Variants in ABCG2 observed in about 807,000 individuals in gnomAD.
ABCG2 encodes ATP binding cassette subfamily G member 2 (JR blood group).
ABCG2 carries 80 observed loss-of-function variants against 73.5 expected under a neutral mutation model. The ratio of observed to expected loss-of-function variants is 1.09; its 90% CI spans 0.91 to 1.31. The LOEUF (loss-of-function observed/expected upper bound fraction) is 1.31, where lower values mean the gene tolerates loss of function less well. ABCG2 is among the 50% of genes most tolerant of loss of function. The pLI, the probability that ABCG2 is intolerant of heterozygous loss-of-function variation, is 0.00. For missense variants in ABCG2, 796 were observed against 786.2 expected (o/e 1.01, Z -0.15); for synonymous variants, 269 against 282.4 (o/e 0.95, Z 0.48).
At chr4:88,203,579 C>A (rs1327423173) in intron 1 of ABCG2, among the ~76,000 whole-genome samples, 3 of 151,998 alleles carry the variant, frequency 2.0e-5, no homozygotes, top group Non-Finnish European at 4.4e-5. Flanking sequence ...CATGGGGAAA[C>A]CCTGTCCCTA....
chr4:88,159,412 G>A (rs891750240), upstream of ABCG2: 2 of 347,562 alleles, frequency 5.8e-6, no homozygotes, highest in East Asian at 8.2e-5. Flanking sequence ...CCCAAGGAAG[G>A]AAAGGGGAGA....
chr4:88,097,795 T>C (rs1722090573), intron 12 of ABCG2, among the ~76,000 whole-genome samples, 188 bp from the exon 13 acceptor site: 1 of 152,264 alleles, frequency 6.6e-6, no homozygotes, highest in Non-Finnish European at 1.5e-5. Context: ...TAAAGTTCTC[T>C]TATAACACTT....
chr4:88,130,290 C>T (rs1246628402), intron 5 of ABCG2, among the ~76,000 whole-genome samples: 1 of 151,838 alleles, frequency 6.6e-6, no homozygotes, highest in African/African-American at 2.4e-5. Context: ...GGAGCATGAA[C>T]CCTATTGTGA....
At chr4:88,171,038 T>C (rs1439912984) in intron 1 of ABCG2, among the ~76,000 whole-genome samples, 1 of 152,100 alleles carries the variant, frequency 6.6e-6, no homozygotes, top group Admixed American at 6.5e-5. Flanking sequence ...AAATATCACA[T>C]GTTCTCACTT....
At chr4:88,122,034 C>T (rs1027413899) in intron 5 of ABCG2, among the ~76,000 whole-genome samples, 13 of 152,128 alleles carry the variant, frequency 8.5e-5, no homozygotes, top group Admixed American at 7.9e-4. Context: ...TTGGGTGAGG[C>T]TATGCCTCAC....
At chr4:88,146,347 G>A (rs989225556) in intron 1 of ABCG2, among the ~76,000 whole-genome samples, 1 of 151,168 alleles carries the variant, frequency 6.6e-6, no homozygotes, top group African/African-American at 2.4e-5. Context: ...TAAGGTGGGA[G>A]TTTCATAAAC....
At chr4:88,107,381 A>C in intron 9 of ABCG2, 115 bp from the exon 10 acceptor site, 1 of 690,836 alleles carries the variant, frequency 1.4e-6, no homozygotes, top group Non-Finnish European at 2.3e-6. Context: ...CTCCATTAAG[A>C]TAAACACTCA....
rs566049610 is a variant in ABCG2 at position 88,128,642 on chromosome 4, AC to A, written c.531+2418del. Among the ~76,000 whole-genome samples, 7 of 152,278 alleles carry A rather than the reference AC, an allele frequency of 4.6e-5. No individual in the cohort carries two copies. The South Asian group carries it at 1.5e-3, about 32-fold the overall frequency. ...TGCAGGGACATGGATGAAGCTGGAA[AC>A]CATCATTCTCAGCAAACTAACACAG... On this transcript the variant is annotated intron_variant, in intron 5 of 15. Coordinates refer to ENST00000237612, the MANE Select transcript of ABCG2 (RefSeq NM_004827.3).
chr4:88,206,104 T>A (rs1270173021), intron 1 of ABCG2, among the ~76,000 whole-genome samples: 1 of 152,222 alleles, frequency 6.6e-6, no homozygotes, highest in Non-Finnish European at 1.5e-5. Flanking sequence ...TCTAGAACTA[T>A]CAAACTCTTT....
chr4:88,094,544 C>A (rs778323137), intron 15 of ABCG2, 33 bp downstream of exon 15: 2 of 1,577,048 alleles, frequency 1.3e-6, no homozygotes, highest in Non-Finnish European at 8.7e-7. Context: ...ATGGTAGTAA[C>A]AAAACCCATT....
rs750198319 is a variant in ABCG2 at position 88,115,040 on chromosome 4, T to C, written c.860A>G (p.Tyr287Cys). The stretch of plus-strand genomic sequence containing the variant: ...CAAGAAGAAGTCTGCAGGGTTATTA[T>C]AGGCCTCACAGTGATAACCTATGAA... ...FESAGYHCEA[Y>C]NNPADFFLDI... Residue 287 changes from tyrosine to cysteine, a missense_variant, in exon 8 of 16, where the codon TAT becomes TGT. Physicochemically the swap from Tyr to Cys is radical, Grantham distance 194. Coordinates refer to ENST00000237612, the MANE Select transcript of ABCG2 (RefSeq NM_004827.3). 9.3e-6 allele frequency: 15 copies of C among 1,612,128 alleles called. No homozygotes were observed. The highest frequency in any genetic ancestry group is 1.7e-5 in the Admixed American group (1 of 59,974).
chr4:88,153,847 G>T (rs911112174), intron 1 of ABCG2, among the ~76,000 whole-genome samples: 2 of 152,144 alleles, frequency 1.3e-5, no homozygotes, highest in Non-Finnish European at 2.9e-5. Context: ...TTGATGTGTA[G>T]GGAAGGGAGG....
intron 1 of ABCG2, among the ~76,000 whole-genome samples, chr4:88,188,085 T>C (rs966578769): frequency 2.0e-5 from 3 of 152,350 alleles, no homozygotes; most frequent in South Asian, 4.1e-4. Context: ...GATTTTCTCT[T>C]ATGTTTTCTT....
intron 1 of ABCG2, among the ~76,000 whole-genome samples, chr4:88,147,005 GAGAA>G: frequency 1.7e-5 from 1 of 58,460 alleles, no homozygotes; most frequent in Non-Finnish European, 3.1e-5. Flanking sequence ...AAAGAAGAAA[GAGAA>G]AGAAAAGGAA....
At position 88,121,670 on chromosome 4, in the gene ABCG2, T is replaced by G; in HGVS notation, c.654A>C (p.Ser218=). The G allele has an allele frequency of 5.6e-6, 9 of 1,614,094 alleles. No individual in the cohort carries two copies. Among genetic ancestry groups the G allele is most frequent in the Non-Finnish European group, 7.6e-6 (9 of 1,179,974 alleles). ...FLDEPTTGLD[S]STANAVLLLL... ...GCAAAAGGACAGCATTTGCTGTGCT[T>G]GAGTCTAAGCCAGTTGTAGGCTCAT... Residue 218 remains serine (S), a synonymous_variant, in exon 6 of 16, where the codon TCA becomes TCC. Coordinates refer to ENST00000237612, the MANE Select transcript of ABCG2 (RefSeq NM_004827.3).
At chr4:88,202,641 CT>C (rs1472581540) in intron 1 of ABCG2, among the ~76,000 whole-genome samples, 1 of 151,886 alleles carries the variant, frequency 6.6e-6, no homozygotes, top group Non-Finnish European at 1.5e-5. Flanking sequence ...AGGGCTCAAA[CT>C]TCCCATGGCT....
At chr4:88,228,258 A>G (rs1730308431) in intron 1 of ABCG2, among the ~76,000 whole-genome samples, 1 of 152,190 alleles carries the variant, frequency 6.6e-6, no homozygotes, top group African/African-American at 2.4e-5. Flanking sequence ...AGGAGTAGAC[A>G]GCCGGACTGA....
At chr4:88,111,505 T>C (rs1228141756) in intron 9 of ABCG2, among the ~76,000 whole-genome samples, 1 of 152,030 alleles carries the variant, frequency 6.6e-6, no homozygotes, top group African/African-American at 2.4e-5. Context: ...TACATACATA[T>C]ATGTGGCTAT....
intron 1 of ABCG2, among the ~76,000 whole-genome samples, chr4:88,197,640 A>G (rs1728987398): frequency 6.6e-6 from 1 of 151,620 alleles, no homozygotes; most frequent in Non-Finnish European, 1.5e-5. Context: ...ATTAAAAACT[A>G]AAAAAAATTT....
Sources: allele counts gnomAD v4.1 joint callset (sites outside exome capture counted in the v4.1 genomes callset), GRCh38; gene constraint gnomAD v4.1.1; transcripts MANE v1.5; gene names NCBI Gene and HGNC (gene_info 2026-07-23, HGNC 2026-07-21).